JAZF1: variants seen among roughly 807,000 people sequenced by gnomAD.
The protein encoded by JAZF1 is JAZF zinc finger 1.
Under a neutral mutation model 26.4 loss-of-function variants are expected in JAZF1, and 8 were observed. The ratio of observed to expected loss-of-function variants is 0.30; its 90% CI spans 0.18 to 0.55. The LOEUF is 0.55. Among genes scored for constraint, JAZF1 ranks in the 20% least tolerant of loss-of-function variants. The probability of loss-of-function intolerance (pLI) is 0.94; values close to 1 mark genes in which losing one functional copy is unlikely to be tolerated. For synonymous variants in JAZF1, 126 were observed against 122.3 expected, an observed-to-expected ratio of 1.03 and a Z score of -0.20; for missense variants, 199 against 322.0, an observed-to-expected ratio of 0.62 and a Z score of 2.92.
chr7:28,113,062 G>A (rs1281892940), intron 1 of JAZF1, among the ~76,000 whole-genome samples: 2 of 152,246 alleles, frequency 1.3e-5, no homozygotes, highest in African/African-American at 2.4e-5. Flanking sequence ...ATCTCGAAGG[G>A]GAAATGGGAA....
At chr7:28,158,066 T>C (rs1180192445) in intron 1 of JAZF1, among the ~76,000 whole-genome samples, 1 of 151,882 alleles carries the variant, frequency 6.6e-6, no homozygotes, top group African/African-American at 2.4e-5. Context: ...CAGGGGGAAT[T>C]ATACTTCTCG....
chr7:28,075,626 A>G (rs888662069), intron 1 of JAZF1, among the ~76,000 whole-genome samples: 5 of 152,202 alleles, frequency 3.3e-5, no homozygotes, highest in African/African-American at 1.2e-4. Flanking sequence ...TAAGTGACTT[A>G]CTTTACTTAA....
intron 3 of JAZF1, chr7:27,863,739 G>C (rs1324798673): frequency 1.3e-5 from 2 of 152,190 alleles, no homozygotes; most frequent in African/African-American, 4.8e-5. Context: ...CTGACCCCCA[G>C]GCCACTGTCT....
chr7:28,104,762 A>G (rs935232538), intron 1 of JAZF1, among the ~76,000 whole-genome samples: 3 of 152,240 alleles, frequency 2.0e-5, no homozygotes, highest in Non-Finnish European at 4.4e-5. Context: ...CCTACAAATA[A>G]TTATCTGAAT....
chr7:28,155,614 T>C (rs771149829), intron 1 of JAZF1, among the ~76,000 whole-genome samples: 34 of 152,206 alleles, frequency 2.2e-4, no homozygotes, highest in Non-Finnish European at 4.6e-4. Context: ...GAGTTAATCA[T>C]CAAAGGTACT....
intron 2 of JAZF1, among the ~76,000 whole-genome samples, chr7:27,944,809 C>T (rs1488680556): frequency 6.6e-6 from 1 of 152,048 alleles, no homozygotes; most frequent in Non-Finnish European, 1.5e-5. Flanking sequence ...TGAAGCCAGC[C>T]CTAGGGAGCT....
In JAZF1 at chr7:28,149,002, G is replaced by A. The variant is rs12113591; in HGVS notation, c.115+31461C>T. ...TCTATTTTACTGCTCTCATATTAAC[G>A]AAGAGATGGTACTCAAATCTTTCCC... is the stretch of plus-strand genomic sequence containing the variant. On this transcript the variant is annotated intron_variant, in intron 1 of 4. Transcript: ENST00000283928. 3.2e-3 allele frequency among the ~76,000 whole-genome samples: 487 copies of A among 152,246 alleles called. 3 individuals are homozygous for A. Among genetic ancestry groups the A allele is most frequent in the African/African-American group, 0.011 (459 of 41,534 alleles).
chr7:28,061,715 G>GTGAAAA, intron 1 of JAZF1, among the ~76,000 whole-genome samples: 1 of 152,162 alleles, frequency 6.6e-6, no homozygotes, highest in South Asian at 2.1e-4. Flanking sequence ...GCCCAGAATG[G>GTGAAAA]CCGTATTTAC....
At chr7:27,861,375 C>T (rs1280679990) in intron 3 of JAZF1, among the ~76,000 whole-genome samples, 1 of 152,004 alleles carries the variant, frequency 6.6e-6, no homozygotes, top group Non-Finnish European at 1.5e-5. Context: ...TCTAATGTTA[C>T]ACACCTCCTG....
At chr7:27,952,822 T>C (rs1206284402) in intron 2 of JAZF1, among the ~76,000 whole-genome samples, 1 of 152,222 alleles carries the variant, frequency 6.6e-6, no homozygotes, top group Non-Finnish European at 1.5e-5. Flanking sequence ...ATTAAGATAT[T>C]TTTATTCTTA....
chr7:28,177,103 G>T (rs1385070067), intron 1 of JAZF1, among the ~76,000 whole-genome samples: 1 of 152,128 alleles, frequency 6.6e-6, no homozygotes, highest in Non-Finnish European at 1.5e-5. Flanking sequence ...CAGGGCTACG[G>T]GATTTCTCGG....
intron 2 of JAZF1, chr7:27,913,296 T>C: frequency 3.0e-6 from 1 of 328,966 alleles, no homozygotes; most frequent in Non-Finnish European, 6.0e-6. Context: ...TATATATTTG[T>C]GTGTGTGTGT....
At chr7:28,139,123 G>C (rs1782927177) in intron 1 of JAZF1, among the ~76,000 whole-genome samples, 1 of 152,170 alleles carries the variant, frequency 6.6e-6, no homozygotes, top group African/African-American at 2.4e-5. Flanking sequence ...CCTTGGTTTA[G>C]ATTTTGTCAC....
intron 2 of JAZF1, among the ~76,000 whole-genome samples, chr7:27,923,739 T>C (rs1784570355): frequency 6.6e-6 from 1 of 152,146 alleles, no homozygotes; most frequent in Admixed American, 6.5e-5. Context: ...GCCAAACGTA[T>C]TTGCATATCG....
At chr7:28,073,475 G>A (rs555328636) in intron 1 of JAZF1, among the ~76,000 whole-genome samples, 60 of 152,266 alleles carry the variant, frequency 3.9e-4, no homozygotes, top group African/African-American at 1.4e-3. Context: ...CTCTGGACCC[G>A]AATCTTTGCA....
chr7:27,855,458 A>G (rs1167789367), intron 3 of JAZF1, among the ~76,000 whole-genome samples: 1 of 152,222 alleles, frequency 6.6e-6, no homozygotes, highest in Non-Finnish European at 1.5e-5. Context: ...AAATTAAAAA[A>G]TAGATCGCTA....
intron 3 of JAZF1, among the ~76,000 whole-genome samples, chr7:27,861,700 AT>A (rs1198283030): frequency 6.6e-6 from 1 of 152,108 alleles, no homozygotes; most frequent in Non-Finnish European, 1.5e-5. Context: ...CCTGGAAGCC[AT>A]TCCCAAACCT....
chr7:27,883,609 C>T (rs1783807523), intron 3 of JAZF1, among the ~76,000 whole-genome samples: 1 of 152,174 alleles, frequency 6.6e-6, no homozygotes. Context: ...AGGATGTGCT[C>T]AACATGGACT....
At chr7:27,938,969 A>AG (rs1784801829) in intron 2 of JAZF1, among the ~76,000 whole-genome samples, 1 of 152,144 alleles carries the variant, frequency 6.6e-6, no homozygotes, top group Non-Finnish European at 1.5e-5. Context: ...AGAACTGAAA[A>AG]TACTGATTTC....
Sources: gnomAD v4.1 joint callset for allele counts (sites outside exome capture counted in the v4.1 genomes callset) on GRCh38, gnomAD v4.1.1 for gene constraint, MANE v1.5 for transcripts, NCBI Gene and HGNC (gene_info 2026-07-23, HGNC 2026-07-21) for gene names.